GNAS: variants seen among roughly 807,000 people sequenced by gnomAD.
GNAS encodes protein ALEX.
Under a neutral mutation model 54.5 loss-of-function variants are expected in GNAS, and 8 were observed. The observed-to-expected ratio is 0.15, with a 90% CI of 0.09 to 0.26. The LOEUF (loss-of-function observed/expected upper bound fraction) is 0.26, where lower values mean the gene tolerates loss of function less well. Ranked by LOEUF, GNAS falls within the 10% of genes least tolerant of loss-of-function variation. GNAS has a pLI of 1.00. For synonymous variants in GNAS, 204 were observed against 191.4 expected, an observed-to-expected ratio of 1.07 and a Z score of -0.54; for missense variants, 170 against 529.8, an observed-to-expected ratio of 0.32 and a Z score of 6.67.
chr20:58,888,354 G>A (rs1333577848), upstream of GNAS: 5 of 152,164 alleles, frequency 3.3e-5, no homozygotes, highest in African/African-American at 1.2e-4. Flanking sequence ...TATCCCAGCA[G>A]ACACCATGGT....
At chr20:58,904,983 A>T (rs1294564929) in intron 5 of GNAS, among the ~76,000 whole-genome samples, 1 of 152,218 alleles carries the variant, frequency 6.6e-6, no homozygotes, top group Non-Finnish European at 1.5e-5. Context: ...AGGAAAATTT[A>T]GTCCCAGCAC....
chr20:58,888,035 C>T (rs1426665472), upstream of GNAS, among the ~76,000 whole-genome samples: 1 of 152,194 alleles, frequency 6.6e-6, no homozygotes, highest in Non-Finnish European at 1.5e-5. Flanking sequence ...TGCTCAAGGC[C>T]TCTGGTGGTA....
intron 1 of GNAS, among the ~76,000 whole-genome samples, chr20:58,847,364 T>A (rs936615733): frequency 6.6e-6 from 1 of 152,200 alleles, no homozygotes; most frequent in Non-Finnish European, 1.5e-5. Flanking sequence ...CCTCTGCAGA[T>A]AGCAGTATGC....
intron 6 of GNAS, among the ~76,000 whole-genome samples, chr20:58,907,884 T>G (rs555016228): frequency 9.2e-5 from 14 of 152,358 alleles, no homozygotes; most frequent in African/African-American, 3.4e-4. Context: ...AAGCTGTCTA[T>G]TTTTATTTGT....
At chr20:58,886,132 C>G (rs2088572291) in intron 1 of GNAS, among the ~76,000 whole-genome samples, 1 of 152,068 alleles carries the variant, frequency 6.6e-6, no homozygotes, top group African/African-American at 2.4e-5. Context: ...AGGAGGATAC[C>G]CAGGGGCCAA....
intron 1 of GNAS, among the ~76,000 whole-genome samples, chr20:58,894,665 T>C (rs372722597): frequency 9.2e-5 from 14 of 152,210 alleles, no homozygotes; most frequent in Non-Finnish European, 1.2e-4. Flanking sequence ...ATGAAACATA[T>C]ATGTATTTTT....
At chr20:58,876,543 C>G (rs988840962) in intron 1 of GNAS, 1 of 152,094 alleles carries the variant, frequency 6.6e-6, no homozygotes, top group African/African-American at 2.4e-5. Flanking sequence ...GAAGTACCCC[C>G]CCACCCAAGC....
intron 6 of GNAS, among the ~76,000 whole-genome samples, chr20:58,905,818 T>C (rs530657555): frequency 4.6e-5 from 7 of 152,322 alleles, no homozygotes; most frequent in African/African-American, 1.7e-4. Context: ...TGCTCACATT[T>C]TGAATAATGT....
chr20:58,902,725 C>CTTTTTTTTTTTTTTTTTTTTTTTTT lies in GNAS; in HGVS notation c.258-802_258-778dup, dbSNP rs60022134. Among the ~76,000 whole-genome samples, 4 of 69,488 alleles carry CTTTTTTTTTTTTTTTTTTTTTTTTT rather than the reference C, an allele frequency of 5.8e-5. 1 individual carries two copies. Among genetic ancestry groups the CTTTTTTTTTTTTTTTTTTTTTTTTT allele is most frequent in the Admixed American group, 2.2e-4 (1 of 4,650 alleles). 45.6% of individuals were successfully genotyped at this position (69,488 alleles called of 152,430 possible). ...AGTGCCTGGAGCATCGCACATACGA[C>CTTTTTTTTTTTTTTTTTTTTTTTTT]TTTTTTTTTTTTTTTTTTTTTTTTT... On this transcript the variant is annotated intron_variant, in intron 3 of 12. Coordinates refer to ENST00000371085, the MANE Select transcript of GNAS (RefSeq NM_000516.7).
At chr20:58,899,457 C>T (rs760884576) in intron 3 of GNAS, 20 of 536,490 alleles carry the variant, frequency 3.7e-5, no homozygotes, top group South Asian at 1.5e-4. Flanking sequence ...TTTTGAAAAA[C>T]GCCTTGGTAC....
Position 58,855,090 on chromosome 20 carries a change from C to T in GNAS, c.43+14204C>T, listed in dbSNP as rs753610380. ...CCGAAAGCCCCAGCGCAACTTACTC[C>T]GCAACTTTCTCGTGCAAGCCTTCGG... On this transcript the variant is annotated intron_variant, in intron 1 of 12. Transcript: ENST00000306090. The T allele has an allele frequency of 6.2e-6, 10 of 1,613,570 alleles. No homozygotes were observed. The highest frequency in any genetic ancestry group is 1.7e-5 in the Admixed American group (1 of 60,034).
At chr20:58,861,490 C>T (rs1301022847) in intron 1 of GNAS, among the ~76,000 whole-genome samples, 1 of 152,166 alleles carries the variant, frequency 6.6e-6, no homozygotes, top group Admixed American at 6.6e-5. Context: ...CATCAGATTC[C>T]TGTTCTGGCC....
chr20:58,854,884 C>A, intron 1 of GNAS: 1 of 1,593,298 alleles, frequency 6.3e-7, no homozygotes, highest in Non-Finnish European at 8.5e-7. Flanking sequence ...GCTGCCGATC[C>A]GCCTACTCCG....
Position 58,841,573 on chromosome 20 carries a change from C to G in GNAS, c.43+687C>G. 1 of 1,004,510 alleles carries G rather than the reference C, an allele frequency of 1.0e-6. No homozygotes were observed. The highest frequency in any genetic ancestry group is 1.2e-6 in the Non-Finnish European group (1 of 843,104). 62.2% of individuals were successfully genotyped at this position (1,004,510 alleles called of 1,614,324 possible). A position where few individuals can be genotyped will look rare whatever the true frequency, so the allele number is the denominator to read the frequency against. On this transcript the variant is annotated intron_variant, in intron 1 of 12. Coordinates refer to the GNAS transcript ENST00000306090. This position sits in a 1 kb window ranked among gnomAD's most constrained non-coding sequence, Gnocchi z 5.0. The stretch of plus-strand genomic sequence containing the variant: ...GGCCGCCACAGCCCGCCTCCCGTCG[C>G]TCGCGGGACAGAGACCGCCTCAAAG...
intron 1 of GNAS, chr20:58,854,666 CG>C: frequency 6.5e-7 from 1 of 1,528,248 alleles, no homozygotes; most frequent in Non-Finnish European, 8.7e-7. Flanking sequence ...ATCCAGATGC[CG>C]GGGCGGCCCC....
intron 1 of GNAS, 167 bp downstream of exon 1, chr20:58,892,032 C>A: frequency 1.2e-6 from 1 of 838,668 alleles, no homozygotes; most frequent in Non-Finnish European, 1.4e-6. Context: ...GACCCAGGGG[C>A]GCGGATTCGG....
chr20:58,853,460 C>T lies in GNAS; in HGVS notation c.43+12574C>T, dbSNP rs750264533. On this transcript the variant is annotated intron_variant, in intron 1 of 12. Transcript: ENST00000306090. This position sits in a 1 kb window ranked among gnomAD's most constrained non-coding sequence, Gnocchi z 4.4. ...AGCCCATCCCCGTCGAGAATGATGG[C>T]GAGGCCTGTGGACCCCCAGAGGTCT... is the stretch of plus-strand genomic sequence containing the variant. 17 of 1,611,708 alleles carry T rather than the reference C, an allele frequency of 1.1e-5. No individual in the cohort carries two copies. Among genetic ancestry groups the T allele is most frequent in the Admixed American group, 8.4e-5 (5 of 59,804 alleles).
Position 58,853,144 on chromosome 20 carries a change from C to A in GNAS, c.43+12258C>A. 2 of 1,434,220 alleles carry A rather than the reference C, an allele frequency of 1.4e-6. No homozygotes were observed. The highest frequency in any genetic ancestry group is 1.8e-6 in the Non-Finnish European group (2 of 1,098,982). 88.8% of individuals were successfully genotyped at this position (1,434,220 alleles called of 1,614,324 possible). On this transcript the variant is annotated intron_variant, in intron 1 of 12. Transcript: ENST00000306090. This position sits in a 1 kb window ranked among gnomAD's most constrained non-coding sequence, Gnocchi z 4.4. ...CCTCACAAGGGTTGGAAAGTGAGGC[C>A]GGTGAACTTTCCAGCTGGTACTTTG... is the stretch of plus-strand genomic sequence containing the variant.
chr20:58,882,610 T>G (rs1053274383), intron 1 of GNAS, among the ~76,000 whole-genome samples: 9 of 152,232 alleles, frequency 5.9e-5, no homozygotes, highest in African/African-American at 2.2e-4. Context: ...TGTAGCGTTA[T>G]TTCAGCATGA....
Sources: gnomAD v4.1 joint callset for allele counts (sites outside exome capture counted in the v4.1 genomes callset) on GRCh38, gnomAD v4.1.1 for gene constraint, Gnocchi (gnomAD v3.1) non-coding constraint, MANE v1.5 for transcripts, NCBI Gene and HGNC (gene_info 2026-07-23, HGNC 2026-07-21) for gene names.